The following GRID2 variants were observed in gnomAD, a reference collection of about 807,000 sequenced individuals.
GRID2 encodes the protein glutamate receptor ionotropic, delta-2.
Under a neutral mutation model 114.8 loss-of-function variants are expected in GRID2, and 33 were observed. The observed-to-expected ratio is 0.29, with a 90% CI of 0.22 to 0.38. The LOEUF is 0.38. Ranked by LOEUF, GRID2 falls within the 10% of genes least tolerant of loss-of-function variation. The probability of loss-of-function intolerance (pLI) is 1.00; values close to 1 mark genes in which losing one functional copy is unlikely to be tolerated. For synonymous variants in GRID2, 505 were observed against 449.9 expected (o/e 1.12, Z -1.55); for missense variants, 1,184 against 1,257.7 (o/e 0.94, Z 0.89).
chr4:93,005,500 T>C (rs565909693), intron 2 of GRID2, among the ~76,000 whole-genome samples: 9 of 152,072 alleles, frequency 5.9e-5, no homozygotes, highest in African/African-American at 2.2e-4. Context: ...CTTTTCAAAA[T>C]GGATACTTTC....
At position 92,411,657 on chromosome 4, in the gene GRID2, A is replaced by G. The variant is rs866179686; in HGVS notation, c.88+106913A>G. Among the ~76,000 whole-genome samples the G allele has an allele frequency of 7.9e-3, 950 of 120,174 alleles. 16 individuals are homozygous for G. The highest frequency in any genetic ancestry group is 0.026 in the South Asian group (107 of 4,066). 78.8% of individuals were successfully genotyped at this position (120,174 alleles called of 152,430 possible). ...TGTGTGTGTGTGTGTGTGTGTGTGTATATATATATATATATATATATGAAA... is the reference window on the plus strand; with the variant it reads ...TGTGTGTGTGTGTGTGTGTGTGTGTGTATATATATATATATATATATGAAA... On this transcript the variant is annotated intron_variant, in intron 1 of 15. Coordinates refer to ENST00000282020, the MANE Select transcript of GRID2 (RefSeq NM_001510.4).
intron 2 of GRID2, among the ~76,000 whole-genome samples, chr4:92,670,385 A>C (rs1309027970): frequency 6.6e-6 from 1 of 151,936 alleles, no homozygotes; most frequent in East Asian, 1.9e-4. Flanking sequence ...ACTTTTTTTT[A>C]AACTGATTTA....
chr4:93,317,266 A>G (rs1756754979), intron 8 of GRID2, among the ~76,000 whole-genome samples: 1 of 151,822 alleles, frequency 6.6e-6, no homozygotes, highest in Non-Finnish European at 1.5e-5. Context: ...CAGTTTCCAA[A>G]TCTGCTGTTC....
intron 2 of GRID2, among the ~76,000 whole-genome samples, chr4:92,724,734 C>A (rs1735983492): frequency 6.6e-6 from 1 of 151,958 alleles, no homozygotes; most frequent in Admixed American, 6.6e-5. Flanking sequence ...AATAATGATA[C>A]CTGAAATCAA....
chr4:93,330,363 A>T (rs946972117), intron 8 of GRID2, among the ~76,000 whole-genome samples: 6 of 152,200 alleles, frequency 3.9e-5, no homozygotes, highest in Admixed American at 3.9e-4. Context: ...AGATCTGTCC[A>T]TCCCATCACA....
At chr4:92,646,610 A>G (rs1225647833) in intron 2 of GRID2, among the ~76,000 whole-genome samples, 2 of 152,236 alleles carry the variant, frequency 1.3e-5, no homozygotes, top group African/African-American at 4.8e-5. Context: ...TTTGTCTATG[A>G]TGACTGCTGG....
chr4:92,685,238 G>A (rs979260724), intron 2 of GRID2, among the ~76,000 whole-genome samples: 4 of 152,010 alleles, frequency 2.6e-5, no homozygotes, highest in South Asian at 2.1e-4. Context: ...GAACTGTATA[G>A]TAGCTAGAGA....
chr4:93,549,739 G>C (rs968169251), intron 13 of GRID2, among the ~76,000 whole-genome samples: 3 of 152,112 alleles, frequency 2.0e-5, no homozygotes, highest in Admixed American at 6.6e-5. Context: ...GAACTTTTCT[G>C]CCAAGCAAAT....
At chr4:92,388,155 C>T (rs537322633) in intron 1 of GRID2, among the ~76,000 whole-genome samples, 1 of 152,144 alleles carries the variant, frequency 6.6e-6, no homozygotes, top group African/African-American at 2.4e-5. Context: ...CAATTTTTCT[C>T]CGAAATCATT....
intron 1 of GRID2, among the ~76,000 whole-genome samples, chr4:92,351,356 A>C (rs1320594424): frequency 6.6e-6 from 1 of 151,810 alleles, no homozygotes; most frequent in Non-Finnish European, 1.5e-5. Flanking sequence ...AGTCCTTTAA[A>C]AGCTTTATTT....
At chr4:92,593,183 G>C (rs571410628) in intron 2 of GRID2, among the ~76,000 whole-genome samples, 9 of 152,082 alleles carry the variant, frequency 5.9e-5, no homozygotes, top group African/African-American at 2.2e-4. Flanking sequence ...AAATTTGAAA[G>C]TCTCATCCTT....
chr4:92,577,022 C>T (rs534847463), intron 1 of GRID2, among the ~76,000 whole-genome samples: 1 of 152,268 alleles, frequency 6.6e-6, no homozygotes. Flanking sequence ...CCATTTTCTA[C>T]ATATTTAATT....
chr4:93,452,717 G>A (rs894853382), intron 10 of GRID2, among the ~76,000 whole-genome samples: 23 of 152,074 alleles, frequency 1.5e-4, no homozygotes, highest in African/African-American at 5.6e-4. Context: ...TATAATAACA[G>A]TAGGATTAAA....
In GRID2 at chr4:92,363,819, C is replaced by CTTT. The variant is rs11342142; in HGVS notation, c.88+59091_88+59093dup. 5.2e-4 allele frequency among the ~76,000 whole-genome samples: 64 copies of CTTT among 124,096 alleles called. 1 individual carries two copies. In the East Asian group the frequency reaches 0.01, roughly 19 times the overall value. 81.4% of individuals were successfully genotyped at this position (124,096 alleles called of 152,430 possible). ...ATTACTGTGTCTAGAATTAAGTTTACTTTTTTTTTTTTTTTTTTCTGACAG... is the reference window on the plus strand; with the variant it reads ...ATTACTGTGTCTAGAATTAAGTTTACTTTTTTTTTTTTTTTTTTTTTCTGACAG... On this transcript the variant is annotated intron_variant, in intron 1 of 15. Coordinates refer to ENST00000282020, the MANE Select transcript of GRID2 (RefSeq NM_001510.4).
intron 2 of GRID2, among the ~76,000 whole-genome samples, chr4:92,627,229 G>A (rs1477052889): frequency 1.3e-5 from 2 of 152,070 alleles, no homozygotes; most frequent in African/African-American, 2.4e-5. Context: ...GGAGGCAGTG[G>A]ATGTTAGCAT....
chr4:92,921,138 C>T (rs977083199), intron 2 of GRID2, among the ~76,000 whole-genome samples: 6 of 152,054 alleles, frequency 3.9e-5, no homozygotes, highest in East Asian at 1.9e-4. Context: ...CAGTTGATCG[C>T]GTCGGCTACT....
At chr4:93,763,886 C>T (rs1175793110) in intron 14 of GRID2, among the ~76,000 whole-genome samples, 1 of 152,060 alleles carries the variant, frequency 6.6e-6, no homozygotes, top group Admixed American at 6.6e-5. Flanking sequence ...TAACCAGTAA[C>T]TTTTTTAGTT....
chr4:92,553,550 T>A (rs912184802), intron 1 of GRID2, among the ~76,000 whole-genome samples: 6 of 152,206 alleles, frequency 3.9e-5, no homozygotes, highest in African/African-American at 1.4e-4. Context: ...CATAAAATAT[T>A]TTGATGCATC....
chr4:92,344,322 AATT>A (rs1727658613), intron 1 of GRID2, among the ~76,000 whole-genome samples: 1 of 152,152 alleles, frequency 6.6e-6, no homozygotes, highest in Non-Finnish European at 1.5e-5. Flanking sequence ...TAGAGTATAA[AATT>A]AATTGAGGAC....
Sources: gnomAD v4.1 joint callset for allele counts (sites outside exome capture counted in the v4.1 genomes callset) on GRCh38, gnomAD v4.1.1 for gene constraint, MANE v1.5 for transcripts, NCBI Gene and HGNC (gene_info 2026-07-23, HGNC 2026-07-21) for gene names.